CRB1: variants seen among roughly 807,000 people sequenced by gnomAD.
CRB1 encodes crumbs cell polarity complex component 1.
Under a neutral mutation model 120.0 loss-of-function variants are expected in CRB1, and 83 were observed. The ratio of observed to expected loss-of-function variants is 0.69; its 90% CI spans 0.58 to 0.83. The LOEUF is 0.83. Among genes scored for constraint, CRB1 ranks in the 40% least tolerant of loss-of-function variants. The pLI is 0.00. For synonymous variants in CRB1, 625 were observed against 612.5 expected (o/e 1.02, Z -0.30); for missense variants, 1,699 against 1,687.6 (o/e 1.01, Z -0.12).
Position 197,353,814 on chromosome 1 carries a change from T to TAA in CRB1, c.989-2995_989-2994dup, listed in dbSNP as rs57274486. Among the ~76,000 whole-genome samples the TAA allele has an allele frequency of 5.6e-4, 50 of 89,410 alleles. No homozygotes were observed. The East Asian group carries it at 8.0e-3, about 14-fold the overall frequency. The allele number at this position is 89,410 out of a possible 152,430, so 58.7% of individuals were successfully genotyped here. A position where few individuals can be genotyped will look rare whatever the true frequency, so the allele number is the denominator to read the frequency against. ...AGACTCCGTCTCAAAAATATATAAA[T>TAA]AAAAAAAAAAAAAAAAAAAAAAACT... is the stretch of plus-strand genomic sequence containing the variant. On this transcript the variant is annotated intron_variant, in intron 4 of 11. Transcript: ENST00000367400.
At chr1:197,306,837 A>G (rs1483138267) in intron 1 of CRB1, among the ~76,000 whole-genome samples, 2 of 152,174 alleles carry the variant, frequency 1.3e-5, no homozygotes, top group Admixed American at 1.3e-4. Flanking sequence ...ACAGGTGCTC[A>G]TTTCTGAAGC....
At chr1:197,398,578 C>A (rs1241014289) in intron 5 of CRB1, among the ~76,000 whole-genome samples, 1 of 151,994 alleles carries the variant, frequency 6.6e-6, no homozygotes, top group Non-Finnish European at 1.5e-5. Context: ...ACAGCTAGGA[C>A]AGGGAAATAG....
At chr1:197,477,469 T>G in intron 11 of CRB1, 195 bp from the exon 12 acceptor site, 1 of 686,660 alleles carries the variant, frequency 1.5e-6, no homozygotes, top group East Asian at 2.9e-5. Context: ...AGACTTTAGA[T>G]TCTAGATATA....
At chr1:197,429,186 C>A in intron 7 of CRB1, 1 of 1,517,482 alleles carries the variant, frequency 6.6e-7, no homozygotes, top group South Asian at 1.2e-5. Context: ...GAGGACACTG[C>A]TATACTTGAA....
intron 6 of CRB1, among the ~76,000 whole-genome samples, chr1:197,427,085 G>C (rs968713516): frequency 1.3e-5 from 2 of 152,146 alleles, no homozygotes; most frequent in African/African-American, 4.8e-5. Flanking sequence ...CTTCCACCAG[G>C]TTGGAGTATA....
At chr1:197,269,312 C>G (rs1306271056) in intron 1 of CRB1, among the ~76,000 whole-genome samples, 1 of 152,174 alleles carries the variant, frequency 6.6e-6, no homozygotes, top group African/African-American at 2.4e-5. Context: ...CATTAGCACA[C>G]AGTGTTGGAT....
chr1:197,297,648 G>T (rs989952217), intron 1 of CRB1, among the ~76,000 whole-genome samples: 1 of 152,108 alleles, frequency 6.6e-6, no homozygotes, highest in South Asian at 2.1e-4. Flanking sequence ...CAATCTATAC[G>T]TAGCAAGTAG....
intron 5 of CRB1, among the ~76,000 whole-genome samples, chr1:197,388,212 A>C (rs1662321068): frequency 6.6e-6 from 1 of 152,084 alleles, no homozygotes; most frequent in Non-Finnish European, 1.5e-5. Flanking sequence ...TTTCTGGAAG[A>C]CAAATTACTA....
the CRB1 span, among the ~76,000 whole-genome samples, chr1:197,224,804 G>T: frequency 2.6e-5 from 4 of 151,728 alleles, no homozygotes; most frequent in Non-Finnish European, 1.5e-5. Flanking sequence ...ATGAAATATG[G>T]ATTTATTTTA....
the CRB1 span, among the ~76,000 whole-genome samples, chr1:197,218,988 G>A: frequency 1.3e-5 from 2 of 152,168 alleles, no homozygotes; most frequent in Non-Finnish European, 2.9e-5. Flanking sequence ...GGACAGGGTT[G>A]TTGAGGCATA....
At position 197,397,016 on chromosome 1, in the gene CRB1, A is replaced by G. The variant is rs371527326; in HGVS notation, c.1172-23984A>G. Among the ~76,000 whole-genome samples the G allele has an allele frequency of 1.5e-4, 23 of 152,250 alleles. No homozygotes were observed. The East Asian group carries it at 2.3e-3, about 15-fold the overall frequency. ...AAAAAAATAAGAAGACAAACCACAG[A>G]ATGTGAAAATATTGCAAAACATGTT... On this transcript the variant is annotated intron_variant, in intron 5 of 11. Transcript: ENST00000367400.
intron 11 of CRB1, among the ~76,000 whole-genome samples, chr1:197,453,769 C>T (rs145132765): frequency 4.2e-5 from 6 of 143,276 alleles, no homozygotes; most frequent in Non-Finnish European, 7.5e-5. Context: ...TCCTCTTCTT[C>T]TTATTATTAT....
chr1:197,357,087 G>GT lies in CRB1; in HGVS notation c.1171+75dup, dbSNP rs765437127. The GT allele has an allele frequency of 1.3e-5, 19 of 1,444,342 alleles. No individual in the cohort carries two copies. In the South Asian group the frequency reaches 1.8e-4, roughly 14 times the overall value. 89.5% of individuals were successfully genotyped at this position (1,444,342 alleles called of 1,614,324 possible). A position where few individuals can be genotyped will look rare whatever the true frequency, so the allele number is the denominator to read the frequency against. ...CAGACCATGGCTTTAACCAAATGGT[G>GT]TATTAGCAGGAAGAGCTGTACTGTG... On this transcript the variant is annotated intron_variant, in intron 5 of 11. Transcript: ENST00000367400.
intron 5 of CRB1, among the ~76,000 whole-genome samples, chr1:197,396,956 C>T (rs1209262312): frequency 6.6e-6 from 1 of 151,742 alleles, no homozygotes. Context: ...TGCACTTCAC[C>T]AAAATTAAAA....
chr1:197,303,378 T>G (rs930467938), intron 1 of CRB1, among the ~76,000 whole-genome samples: 1 of 148,126 alleles, frequency 6.8e-6, no homozygotes. Flanking sequence ...TGAGAATATG[T>G]GGTGTTTGGT....
intron 1 of CRB1, among the ~76,000 whole-genome samples, chr1:197,318,657 C>A (rs780474881): frequency 6.6e-6 from 1 of 152,090 alleles, no homozygotes; most frequent in Non-Finnish European, 1.5e-5. Flanking sequence ...GAATGTTATT[C>A]AGTCATAAAA....
intron 5 of CRB1, among the ~76,000 whole-genome samples, chr1:197,419,813 A>AAC (rs1664195738): frequency 6.6e-6 from 1 of 150,516 alleles, no homozygotes. Context: ...TCTCTACAAA[A>AAC]AAAAAAAAAA....
In CRB1 at chr1:197,419,979, T is replaced by G. The variant is rs1664210365; in HGVS notation, c.1172-1021T>G. ...CTGGGCGACAGAGCGAGACACGATC[T>G]CAAAAACGAAAAAAAAAAAACAAAC... On this transcript the variant is annotated intron_variant, in intron 5 of 11. Transcript: ENST00000367400. Among the ~76,000 whole-genome samples, 3 of 110,522 alleles carry G rather than the reference T, an allele frequency of 2.7e-5. No homozygotes were observed. In the Admixed American group the frequency reaches 3.7e-4, roughly 14 times the overall value. 72.5% of individuals were successfully genotyped at this position (110,522 alleles called of 152,430 possible). A position where few individuals can be genotyped will look rare whatever the true frequency, so the allele number is the denominator to read the frequency against.
chr1:197,381,629 C>T (rs1661962566), intron 5 of CRB1, among the ~76,000 whole-genome samples: 1 of 152,096 alleles, frequency 6.6e-6, no homozygotes, highest in African/African-American at 2.4e-5. Context: ...AAATTAAGAA[C>T]CTATAGAAAA....
Sources: allele counts gnomAD v4.1 joint callset (sites outside exome capture counted in the v4.1 genomes callset), GRCh38; gene constraint gnomAD v4.1.1; transcripts MANE v1.5; gene names NCBI Gene and HGNC (gene_info 2026-07-23, HGNC 2026-07-21).